Variants in SYCP2L observed in about 807,000 individuals in gnomAD.
SYCP2L encodes synaptonemal complex protein 2-like.
In SYCP2L, 98 loss-of-function variants were observed where a neutral mutation model predicts 125.8. The observed-to-expected ratio is 0.78, with a 90% confidence interval of 0.66 to 0.92. The LOEUF (loss-of-function observed/expected upper bound fraction) is 0.92, where lower values mean the gene tolerates loss of function less well. SYCP2L is among the 40% of genes least tolerant of loss of function. SYCP2L has a pLI of 0.00. For synonymous variants in SYCP2L, 317 were observed against 325.4 expected (o/e 0.97, Z 0.28); for missense variants, 842 against 936.4 (o/e 0.90, Z 1.32).
intron 23 of SYCP2L, among the ~76,000 whole-genome samples, chr6:10,946,078 T>C (rs965736289): frequency 7.9e-5 from 12 of 152,334 alleles, no homozygotes; most frequent in Admixed American, 3.3e-4. Flanking sequence ...ACTGGAGTAT[T>C]TAGTCCATTT....
intron 22 of SYCP2L, 51 bp downstream of exon 22, chr6:10,942,580 A>G (rs776550482): frequency 1.9e-6 from 3 of 1,577,166 alleles, no homozygotes; most frequent in Non-Finnish European, 2.6e-6. Context: ...TTAATATCAT[A>G]TTTGCATAAC....
At chr6:10,969,494 G>A (rs1781733994) in intron 29 of SYCP2L, among the ~76,000 whole-genome samples, 2 of 151,298 alleles carry the variant, frequency 1.3e-5, no homozygotes, top group South Asian at 4.2e-4. Flanking sequence ...CCGAGTAGCT[G>A]GGACTACAGG....
At chr6:10,908,783 A>G (rs954504815) in intron 10 of SYCP2L, among the ~76,000 whole-genome samples, 14 of 152,222 alleles carry the variant, frequency 9.2e-5, no homozygotes, top group Admixed American at 2.6e-4. Flanking sequence ...CAGTGGAAAG[A>G]CCATGAGCTT....
At chr6:10,909,615 G>A (rs1780570432) in intron 10 of SYCP2L, among the ~76,000 whole-genome samples, 1 of 152,152 alleles carries the variant, frequency 6.6e-6, no homozygotes, top group African/African-American at 2.4e-5. Context: ...AGAGCTGTTG[G>A]TTAGGAGAAC....
chr6:10,912,983 A>G lies in SYCP2L; in HGVS notation c.1072+56A>G. The G allele has an allele frequency of 6.7e-7, 1 of 1,495,512 alleles. No individual in the cohort carries two copies. Among genetic ancestry groups the G allele is most frequent in the South Asian group, 1.2e-5 (1 of 86,482 alleles). 92.6% of individuals were successfully genotyped at this position (1,495,512 alleles called of 1,614,324 possible). A position where few individuals can be genotyped will look rare whatever the true frequency, so the allele number is the denominator to read the frequency against. On this transcript the variant is annotated intron_variant, in intron 14 of 29. Coordinates refer to ENST00000283141, the MANE Select transcript of SYCP2L (RefSeq NM_001040274.3). The surrounding 1 kb of genome is among the most constrained non-coding windows in gnomAD (Gnocchi z 4.1). ...CAGTTCCAAATATTATTTCTGTTGTATATGCAGTGTGTATTTATTTAATTC... is the reference window on the plus strand; with the variant it reads ...CAGTTCCAAATATTATTTCTGTTGTGTATGCAGTGTGTATTTATTTAATTC...
intron 2 of SYCP2L, among the ~76,000 whole-genome samples, chr6:10,893,472 T>G (rs1012505283): frequency 2.0e-5 from 3 of 152,256 alleles, no homozygotes; most frequent in Non-Finnish European, 4.4e-5. Flanking sequence ...TTGAAATTTT[T>G]AGTGTTTTAG....
chr6:10,964,765 T>C (rs1781651902), intron 29 of SYCP2L, among the ~76,000 whole-genome samples: 1 of 152,134 alleles, frequency 6.6e-6, no homozygotes, highest in South Asian at 2.1e-4. Flanking sequence ...TTGAGAGATA[T>C]CAACAAGGTG....
intron 14 of SYCP2L, among the ~76,000 whole-genome samples, chr6:10,914,951 A>G (rs1780665788): frequency 6.6e-6 from 1 of 151,968 alleles, no homozygotes; most frequent in African/African-American, 2.4e-5. Context: ...TCACCATGTT[A>G]GCCAGGCCGA....
chr6:10,899,907 G>T (rs1373285796), intron 6 of SYCP2L, among the ~76,000 whole-genome samples: 1 of 152,170 alleles, frequency 6.6e-6, no homozygotes, highest in Non-Finnish European at 1.5e-5. Flanking sequence ...AAAATGCACA[G>T]TGGTAAACTA....
chr6:10,947,398 A>T (rs1781334400), intron 23 of SYCP2L, among the ~76,000 whole-genome samples: 1 of 152,106 alleles, frequency 6.6e-6, no homozygotes, highest in South Asian at 2.1e-4. Flanking sequence ...TTAAAATATT[A>T]AACCATCCCA....
intron 29 of SYCP2L, among the ~76,000 whole-genome samples, chr6:10,973,192 C>T (rs1374215436): frequency 1.3e-5 from 2 of 152,144 alleles, no homozygotes; most frequent in Non-Finnish European, 2.9e-5. Context: ...GAATCTGTTC[C>T]CTCAGTTGAT....
chr6:10,888,374 C>T (rs1333626547), intron 1 of SYCP2L, among the ~76,000 whole-genome samples: 1 of 152,004 alleles, frequency 6.6e-6, no homozygotes, highest in Non-Finnish European at 1.5e-5. Context: ...GGATTACAGG[C>T]GTGAGCCACA....
intron 10 of SYCP2L, among the ~76,000 whole-genome samples, chr6:10,909,013 T>G (rs1361218134): frequency 6.6e-6 from 1 of 152,234 alleles, no homozygotes; most frequent in Non-Finnish European, 1.5e-5. Flanking sequence ...TTTCTGCTCT[T>G]TGTCATTTCT....
At chr6:10,907,279 G>A (rs951490578) in intron 9 of SYCP2L, among the ~76,000 whole-genome samples, 1 of 151,754 alleles carries the variant, frequency 6.6e-6, no homozygotes, top group East Asian at 1.9e-4. Context: ...GGAGGCAAAG[G>A]TTGCAGTGAG....
rs768733116 is a variant in SYCP2L, at chr6:10,906,037, C to T, written c.659C>T (p.Thr220Ile). The T allele has an allele frequency of 3.1e-6, 5 of 1,599,408 alleles. No individual in the cohort carries two copies. In the East Asian group the frequency reaches 1.1e-4, roughly 36 times the overall value. The change falls in exon 9 of 30, where the codon ACA becomes ATA. Residue 220 changes from threonine (T) to isoleucine (I), a missense_variant. Transcript: ENST00000283141. ...MCHLMKDLAR[T>I]LLTVGDYDQQ... is the part of the protein sequence containing the mutation. ...TGTTTCAGGAAAGACCTTGCAAGGA[C>T]ACTCTTGACTGTGGGTGGTAAGAAA...
rs13202349 is a variant in SYCP2L, at chr6:10,896,868, T to C, written c.337-1143T>C. ...CCTAACTCCCCAGGTTTTCCTAATG[T>C]ACAGCCAAGGTTGAAAACTGGTTTT... On this transcript the variant is annotated intron_variant, in intron 4 of 29. Transcript: ENST00000283141. Among the ~76,000 whole-genome samples the C allele has an allele frequency of 2.8e-3, 424 of 152,314 alleles. 1 individual carries two copies. The highest frequency in any genetic ancestry group is 5.0e-3 in the Non-Finnish European group (341 of 68,024).
intron 1 of SYCP2L, among the ~76,000 whole-genome samples, chr6:10,890,953 G>A (rs1322388729): frequency 6.6e-6 from 1 of 152,082 alleles, no homozygotes; most frequent in African/African-American, 2.4e-5. Flanking sequence ...CCCCATGAAT[G>A]TTCTTGACAC....
chr6:10,962,308 A>ATATATTCCTATGCATATATTCCTATGC (rs1781608331), intron 28 of SYCP2L, among the ~76,000 whole-genome samples: 1 of 95,998 alleles, frequency 1.0e-5, no homozygotes, highest in African/African-American at 3.3e-5. Flanking sequence ...ATTCCAAAGC[A>ATATATTCCTATGCATATATTCCTATGC]AAAAAAAAAA....
rs575655526 is a variant in SYCP2L at position 10,971,406 on chromosome 6, C to T, written c.*38-2546C>T. 1.9e-3 allele frequency among the ~76,000 whole-genome samples: 285 copies of T among 146,450 alleles called. 1 individual carries two copies. Among genetic ancestry groups the T allele is most frequent in the African/African-American group, 6.7e-3 (263 of 39,316 alleles). ...CTGGGAGGCAGAGGTTGCAGTGAGC[C>T]GAGATCGTGCCACTGCATTCCAGCC... is the stretch of plus-strand genomic sequence containing the variant. On this transcript the variant is annotated intron_variant, in intron 29 of 29. Coordinates refer to ENST00000283141, the MANE Select transcript of SYCP2L (RefSeq NM_001040274.3).
Sources: gnomAD v4.1 joint callset for allele counts (sites outside exome capture counted in the v4.1 genomes callset) on GRCh38, gnomAD v4.1.1 for gene constraint, Gnocchi (gnomAD v3.1) non-coding constraint, MANE v1.5 for transcripts, NCBI Gene and HGNC (gene_info 2026-07-23, HGNC 2026-07-21) for gene names.